The following THSD7A variants were observed in gnomAD, a reference collection of about 807,000 sequenced individuals.
The protein encoded by THSD7A is thrombospondin type-1 domain-containing protein 7A.
THSD7A carries 96 observed loss-of-function variants against 231.3 expected under a neutral mutation model. That is an observed-to-expected ratio of 0.41 (90% CI 0.35 to 0.49). The LOEUF (loss-of-function observed/expected upper bound fraction) is 0.49, where lower values mean the gene tolerates loss of function less well. Ranked by LOEUF, THSD7A falls within the 20% of genes least tolerant of loss-of-function variation. The pLI is 0.05. For missense variants in THSD7A, 2,290 were observed against 2,070.2 expected (o/e 1.11, Z -2.06); for synonymous variants, 940 against 743.3 (o/e 1.26, Z -4.30).
At chr7:11,384,319 C>A (rs1206200433) in intron 23 of THSD7A, 1 of 151,662 alleles carries the variant, frequency 6.6e-6, no homozygotes, top group Non-Finnish European at 1.5e-5. Flanking sequence ...GTATATTTTT[C>A]AAGTTTGTGG....
In THSD7A at chr7:11,447,300, G is replaced by A. The variant is rs1242414880; in HGVS notation, c.2730C>T (p.Thr910=). 6.2e-7 allele frequency: 1 copy of A among 1,613,084 alleles called. No homozygotes were observed. Among genetic ancestry groups the A allele is most frequent in the Non-Finnish European group, 8.5e-7 (1 of 1,179,462 alleles). ...TGCATGAAGAAAACTTGGACCAGCT[G>A]GTCAATTGACAGTCATCCTGGCAGG... ...QIPCQDDCQL[T]SWSKFSSCNG... The change falls in exon 12 of 28, where the codon ACC becomes ACT. Residue 910 remains threonine (T), a synonymous_variant. Coordinates refer to ENST00000423059, the MANE Select transcript of THSD7A (RefSeq NM_015204.3).
intron 6 of THSD7A, among the ~76,000 whole-genome samples, chr7:11,539,660 A>G (rs1038554204): frequency 6.6e-6 from 1 of 152,220 alleles, no homozygotes; most frequent in African/African-American, 2.4e-5. Context: ...ACTTAACAAA[A>G]TGAAAATAAG....
chr7:11,504,439 T>C (rs372657155), intron 6 of THSD7A, among the ~76,000 whole-genome samples: 3 of 152,238 alleles, frequency 2.0e-5, no homozygotes, highest in Admixed American at 6.5e-5. Context: ...CTGTGACATG[T>C]TTGTCTATAT....
chr7:11,812,508 G>A (rs1430913748), intron 1 of THSD7A, among the ~76,000 whole-genome samples: 2 of 152,112 alleles, frequency 1.3e-5, no homozygotes, highest in South Asian at 2.1e-4. Context: ...GAAACTGTAA[G>A]AGAAAATGGT....
intron 1 of THSD7A, among the ~76,000 whole-genome samples, chr7:11,646,190 A>T (rs1479284482): frequency 6.6e-6 from 1 of 152,010 alleles, no homozygotes; most frequent in Non-Finnish European, 1.5e-5. Context: ...TTAAAATTTT[A>T]AAAAGATCTA....
chr7:11,652,607 T>C (rs938663219), intron 1 of THSD7A, among the ~76,000 whole-genome samples: 1 of 152,010 alleles, frequency 6.6e-6, no homozygotes, highest in Non-Finnish European at 1.5e-5. Flanking sequence ...ATATTTATTC[T>C]TTAATGTATC....
chr7:11,379,581 G>A, intron 25 of THSD7A, 49 bp downstream of exon 25: 1 of 1,479,580 alleles, frequency 6.8e-7, no homozygotes, highest in Non-Finnish European at 9.3e-7. Context: ...AGACAGTGGG[G>A]TGACACATGA....
chr7:11,453,081 T>C (rs909387037), intron 11 of THSD7A, among the ~76,000 whole-genome samples: 1 of 151,994 alleles, frequency 6.6e-6, no homozygotes, highest in Middle Eastern at 3.4e-3. Flanking sequence ...CCAGGATAAA[T>C]TGGCCCAGAT....
intron 1 of THSD7A, among the ~76,000 whole-genome samples, chr7:11,827,305 C>T (rs1459655657): frequency 1.3e-5 from 2 of 152,084 alleles, no homozygotes; most frequent in East Asian, 3.9e-4. Flanking sequence ...ATCTTTTCTA[C>T]CATGTTGTTT....
intron 1 of THSD7A, among the ~76,000 whole-genome samples, chr7:11,818,686 C>T (rs772954470): frequency 3.9e-5 from 6 of 152,218 alleles, no homozygotes; most frequent in South Asian, 2.1e-4. Flanking sequence ...TACCAGAGTC[C>T]GCTAGGGATA....
intron 6 of THSD7A, among the ~76,000 whole-genome samples, chr7:11,514,696 T>A (rs1012031756): frequency 1.3e-5 from 2 of 152,206 alleles, no homozygotes; most frequent in Non-Finnish European, 2.9e-5. Context: ...TTTCACAAAA[T>A]TTTTCAACAG....
At chr7:11,589,692 C>T (rs1032354463) in intron 4 of THSD7A, among the ~76,000 whole-genome samples, 2 of 152,126 alleles carry the variant, frequency 1.3e-5, no homozygotes, top group Non-Finnish European at 2.9e-5. Context: ...ATTCCTCAGA[C>T]AGAAGGAGGA....
intron 4 of THSD7A, among the ~76,000 whole-genome samples, chr7:11,569,492 G>C (rs192888379): frequency 1.3e-5 from 2 of 152,170 alleles, no homozygotes; most frequent in Non-Finnish European, 2.9e-5. Context: ...ATCTCATCCA[G>C]TTAGAATGGC....
At chr7:11,443,846 C>T (rs879840652) in intron 13 of THSD7A, among the ~76,000 whole-genome samples, 1 of 151,954 alleles carries the variant, frequency 6.6e-6, no homozygotes, top group Non-Finnish European at 1.5e-5. Context: ...AAACATTTAT[C>T]ATTTCTTTGC....
At position 11,469,829 on chromosome 7, in the gene THSD7A, A is replaced by G. The variant is rs770639930; in HGVS notation, c.2368+50T>C. Reference sequence around the variant, plus strand: ...CTAGGCCAGAAGACCTCAGAAGTCTACCGAGGAGGTTTTCTAGGTGAACAG... The same window carrying G: ...CTAGGCCAGAAGACCTCAGAAGTCTGCCGAGGAGGTTTTCTAGGTGAACAG... On this transcript the variant is annotated intron_variant, in intron 9 of 27. Coordinates refer to ENST00000423059, the MANE Select transcript of THSD7A (RefSeq NM_015204.3). 5.4e-6 allele frequency: 7 copies of G among 1,292,622 alleles called. No individual in the cohort carries two copies. The African/African-American group carries it at 8.7e-5, about 16-fold the overall frequency. The allele number at this position is 1,292,622 out of a possible 1,614,324, so 80.1% of individuals were successfully genotyped here. A position where few individuals can be genotyped will look rare whatever the true frequency, so the allele number is the denominator to read the frequency against.
intron 1 of THSD7A, among the ~76,000 whole-genome samples, chr7:11,761,953 A>T (rs1200683504): frequency 6.6e-6 from 1 of 151,904 alleles, no homozygotes; most frequent in Non-Finnish European, 1.5e-5. Flanking sequence ...TTCCATCTTT[A>T]TGTTCATCTG....
intron 1 of THSD7A, among the ~76,000 whole-genome samples, chr7:11,828,726 TAG>T (rs1562584253): frequency 4.6e-5 from 7 of 152,108 alleles, no homozygotes; most frequent in African/African-American, 1.2e-4. Flanking sequence ...AGCACATAGA[TAG>T]ATAGATAGAT....
chr7:11,582,488 C>T (rs1048339843), intron 4 of THSD7A, among the ~76,000 whole-genome samples: 1 of 151,996 alleles, frequency 6.6e-6, no homozygotes, highest in Admixed American at 6.6e-5. Flanking sequence ...TCATACATAT[C>T]TCTGCTTAAT....
intron 1 of THSD7A, among the ~76,000 whole-genome samples, chr7:11,822,663 C>A (rs774392321): frequency 6.6e-6 from 1 of 151,998 alleles, no homozygotes; most frequent in Non-Finnish European, 1.5e-5. Flanking sequence ...TACATTCCCA[C>A]CAATCATGTA....
Sources: allele counts gnomAD v4.1 joint callset (sites outside exome capture counted in the v4.1 genomes callset), GRCh38; gene constraint gnomAD v4.1.1; transcripts MANE v1.5; gene names NCBI Gene and HGNC (gene_info 2026-07-23, HGNC 2026-07-21).